ANO2: variants seen among roughly 807,000 people sequenced by gnomAD.
The protein encoded by ANO2 is anoctamin 2, also known as anoctamin-2.
In ANO2, 101 loss-of-function variants were observed where a neutral mutation model predicts 124.2. That is an observed-to-expected ratio of 0.81 (90% CI 0.69 to 0.96). ANO2 has a LOEUF of 0.96. Ranked by LOEUF, ANO2 falls within the 40% of genes least tolerant of loss-of-function variation. The probability of loss-of-function intolerance (pLI) is 0.00; values close to 1 mark genes in which losing one functional copy is unlikely to be tolerated. For synonymous variants in ANO2, 486 were observed against 482.5 expected, an observed-to-expected ratio of 1.01 and a Z score of -0.09; for missense variants, 1,293 against 1,274.5, an observed-to-expected ratio of 1.01 and a Z score of -0.22.
At chr12:5,891,612 G>A (rs1002431177) in intron 3 of ANO2, among the ~76,000 whole-genome samples, 1 of 152,136 alleles carries the variant, frequency 6.6e-6, no homozygotes, top group Admixed American at 6.5e-5. Flanking sequence ...CATGTGCATG[G>A]ATCTGATCCT....
At chr12:5,938,801 G>A (rs1272332506) in intron 1 of ANO2, among the ~76,000 whole-genome samples, 2 of 151,898 alleles carry the variant, frequency 1.3e-5, no homozygotes, top group Non-Finnish European at 2.9e-5. Flanking sequence ...CTTCAGCCTG[G>A]GCGACAAGAG....
chr12:5,613,445 A>G (rs999027285), intron 17 of ANO2, among the ~76,000 whole-genome samples: 1 of 152,226 alleles, frequency 6.6e-6, no homozygotes, highest in Admixed American at 6.5e-5. Flanking sequence ...TCTTGCTGAA[A>G]ATATTCAAAG....
intron 15 of ANO2, among the ~76,000 whole-genome samples, chr12:5,638,241 T>TTTTTTTTC (rs1946131918): frequency 7.1e-6 from 1 of 140,664 alleles, no homozygotes; most frequent in Non-Finnish European, 1.6e-5. Context: ...CTTTTCCTTT[T>TTTTTTTTC]TTTTTTTTTT....
intron 14 of ANO2, among the ~76,000 whole-genome samples, chr12:5,690,086 A>T (rs1008920165): frequency 6.6e-6 from 1 of 152,090 alleles, no homozygotes; most frequent in African/African-American, 2.4e-5. Flanking sequence ...CAGTGATTCA[A>T]GCAGATTTTG....
intron 14 of ANO2, among the ~76,000 whole-genome samples, chr12:5,730,026 G>C (rs553527136): frequency 6.6e-6 from 1 of 152,074 alleles, no homozygotes; most frequent in African/African-American, 2.4e-5. Context: ...TTCTTTTTCG[G>C]ATAATAAAAA....
rs777455201 is a variant in ANO2 at position 5,635,182 on chromosome 12, C to T, written c.1786G>A (p.Gly596Ser). The T allele has an allele frequency of 8.8e-6, 14 of 1,598,068 alleles. No homozygotes were observed. The East Asian group carries it at 8.9e-5, about 10-fold the overall frequency. The change falls in exon 16 of 25, where the codon GGC (glycine) becomes AGC (serine). Residue 596 changes from glycine to serine, a missense_variant. Gly to Ser is a moderately conservative substitution (Grantham distance 56). Transcript: ENST00000682330. This position sits in a 1 kb window ranked among gnomAD's most constrained non-coding sequence, Gnocchi z 5.2. ...VVILILDEIY[G>S]AVAKWLTKIE... ...TTGGTGAGCCACTTGGCCACAGCGC[C>T]GTAGATCTCGTCCAGGATGAGGATG...
intron 14 of ANO2, among the ~76,000 whole-genome samples, chr12:5,670,350 A>G (rs1283329492): frequency 1.3e-5 from 2 of 152,360 alleles, no homozygotes; most frequent in East Asian, 3.9e-4. Context: ...CCACTGTTCC[A>G]TGCCATGAAG....
chr12:5,630,802 G>A (rs17194485), intron 16 of ANO2, among the ~76,000 whole-genome samples: 48,419 of 152,150 alleles, frequency 0.32, 8,382 homozygotes, highest in East Asian at 0.49. Flanking sequence ...GCCTGGTTGG[G>A]AGCAAGTGAC....
intron 3 of ANO2, among the ~76,000 whole-genome samples, chr12:5,863,631 G>A (rs979306041): frequency 3.3e-5 from 5 of 152,144 alleles, no homozygotes; most frequent in African/African-American, 1.2e-4. Flanking sequence ...TTGATTACAA[G>A]ACAGTGATGG....
intron 3 of ANO2, among the ~76,000 whole-genome samples, chr12:5,890,263 G>A (rs1006112693): frequency 6.6e-6 from 1 of 152,118 alleles, no homozygotes; most frequent in Non-Finnish European, 1.5e-5. Flanking sequence ...GCACATTCAG[G>A]TCAATGCAGA....
chr12:5,582,588 A>C (rs544681158), intron 20 of ANO2, among the ~76,000 whole-genome samples: 2 of 152,338 alleles, frequency 1.3e-5, no homozygotes, highest in East Asian at 3.9e-4. Flanking sequence ...GATGGAATAC[A>C]ATTCTGATTT....
intron 14 of ANO2, among the ~76,000 whole-genome samples, chr12:5,657,496 T>TG (rs1947217565): frequency 6.6e-6 from 1 of 151,696 alleles, no homozygotes; most frequent in Non-Finnish European, 1.5e-5. Flanking sequence ...TTTTCCATTT[T>TG]TTTTTTTTGT....
intron 7 of ANO2, among the ~76,000 whole-genome samples, chr12:5,814,307 A>G (rs143143776): frequency 6.6e-6 from 1 of 152,302 alleles, no homozygotes; most frequent in East Asian, 1.9e-4. Flanking sequence ...ACCTTGAATT[A>G]CCCTAATTGG....
In ANO2 at chr12:5,921,029, G is replaced by C; in HGVS notation, c.534+11C>G. On this transcript the variant is annotated intron_variant, in intron 3 of 24. Transcript: ENST00000682330. ...TCCATCTCCAAGTCCCTGGCCACCC[G>C]CCTGACTCACCTCCAAGTCCTTCTC... 6.3e-7 allele frequency: 1 copy of C among 1,597,498 alleles called. No homozygotes were observed. The highest frequency in any genetic ancestry group is 8.6e-7 in the Non-Finnish European group (1 of 1,168,200).
At chr12:5,581,328 G>A (rs1198824420) in intron 20 of ANO2, among the ~76,000 whole-genome samples, 1 of 152,160 alleles carries the variant, frequency 6.6e-6, no homozygotes, top group Non-Finnish European at 1.5e-5. Flanking sequence ...CCTCCGCAAG[G>A]GTTTGGCAAG....
intron 20 of ANO2, among the ~76,000 whole-genome samples, chr12:5,584,535 C>G (rs1167301774): frequency 6.6e-6 from 1 of 152,140 alleles, no homozygotes; most frequent in Non-Finnish European, 1.5e-5. Flanking sequence ...ACTCAGGAGG[C>G]AGTAAGTGAA....
intron 1 of ANO2, among the ~76,000 whole-genome samples, chr12:5,935,766 A>C (rs11063928): frequency 0.097 from 14,825 of 152,238 alleles, 1,155 homozygotes; most frequent in African/African-American, 0.21. Flanking sequence ...GATATTCATT[A>C]GAATCACCCA....
At chr12:5,911,734 ACT>A (rs1220076949) in intron 3 of ANO2, among the ~76,000 whole-genome samples, 1 of 152,122 alleles carries the variant, frequency 6.6e-6, no homozygotes, top group African/African-American at 2.4e-5. Flanking sequence ...GTCTGCATAG[ACT>A]CTATAATGTC....
intron 14 of ANO2, among the ~76,000 whole-genome samples, chr12:5,720,657 C>A (rs1031380315): frequency 6.6e-6 from 1 of 152,188 alleles, no homozygotes; most frequent in African/African-American, 2.4e-5. Context: ...TTCCCAGAAG[C>A]CATGAGGGTC....
Sources: allele counts gnomAD v4.1 joint callset (sites outside exome capture counted in the v4.1 genomes callset), GRCh38; gene constraint gnomAD v4.1.1; non-coding constraint Gnocchi (gnomAD v3.1); transcripts MANE v1.5; gene names NCBI Gene and HGNC (gene_info 2026-07-23, HGNC 2026-07-21).